Variants in RPL36AL observed in about 807,000 individuals in gnomAD.
RPL36AL encodes the protein ribosomal protein L36a like.
A neutral mutation model predicts 7.9 loss-of-function variants in RPL36AL; 8 were observed. The observed-to-expected ratio is 1.02, with a 90% CI of 0.60 to 1.84. The LOEUF (loss-of-function observed/expected upper bound fraction) is 1.84, where lower values mean the gene tolerates loss of function less well. RPL36AL is among the 40% of genes most tolerant of loss of function. RPL36AL has a pLI of 0.00. For synonymous variants in RPL36AL, 44 were observed against 44.8 expected (o/e 0.98, Z 0.07); for missense variants, 76 against 126.8 (o/e 0.60, Z 1.93).
In RPL36AL at chr14:49,619,146, G is replaced by T; in HGVS notation, c.-36-6C>A. On this transcript the variant is annotated splice_region_variant and splice_polypyrimidine_tract_variant and intron_variant, in intron 1 of 1. Coordinates refer to ENST00000298289, the MANE Select transcript of RPL36AL (RefSeq NM_001001.5). ...TTTTGTCTATATGATGAAAACTGTA[G>T]TAAAATATTTAAAATAAGATAGCAG... 1 of 1,521,596 alleles carries T rather than the reference G, an allele frequency of 6.6e-7. No homozygotes were observed. The highest frequency in any genetic ancestry group is 8.9e-7 in the Non-Finnish European group (1 of 1,127,070). 94.3% of individuals were successfully genotyped at this position (1,521,596 alleles called of 1,614,324 possible). A position where few individuals can be genotyped will look rare whatever the true frequency, so the allele number is the denominator to read the frequency against.
chr14:49,620,559 T>C lies in RPL36AL; in HGVS notation c.-37+3A>G. The C allele has an allele frequency of 5.5e-6, 1 of 183,450 alleles. No individual in the cohort carries two copies. Among genetic ancestry groups the C allele is most frequent in the South Asian group, 1.1e-4 (1 of 9,012 alleles). 11.4% of individuals were successfully genotyped at this position (183,450 alleles called of 1,614,324 possible). A position where few individuals can be genotyped will look rare whatever the true frequency, so the allele number is the denominator to read the frequency against. ...AGCCGCTACAGCCTCGTTCTTAGCT[T>C]ACCGAGAAACAGCGCCCGACACCTG... On this transcript the variant is annotated splice_donor_region_variant and intron_variant, in intron 1 of 1. Transcript: ENST00000298289.
At chr14:49,619,186 GA>G (rs754517111) in intron 1 of RPL36AL, 46 bp from the exon 2 acceptor site, 37 of 1,313,060 alleles carry the variant, frequency 2.8e-5, no homozygotes, top group East Asian at 1.9e-4. Flanking sequence ...TAAACATTCC[GA>G]AAAGTGAAAG....
intron 1 of RPL36AL, among the ~76,000 whole-genome samples, chr14:49,619,895 A>G (rs1483940227): frequency 2.0e-5 from 3 of 152,180 alleles, no homozygotes; most frequent in Non-Finnish European, 4.4e-5. Flanking sequence ...GCTAGTCAGG[A>G]ATAAAATGCC....
chr14:49,620,385 G>A (rs1003340772), intron 1 of RPL36AL, among the ~76,000 whole-genome samples, 177 bp downstream of exon 1: 5 of 152,228 alleles, frequency 3.3e-5, no homozygotes, highest in African/African-American at 4.8e-5. Flanking sequence ...CGCGCCCCGC[G>A]ATTCTATAGC....
At chr14:49,620,317 T>A in intron 1 of RPL36AL, among the ~76,000 whole-genome samples, 1 of 151,870 alleles carries the variant, frequency 6.6e-6, no homozygotes, top group South Asian at 2.1e-4. Flanking sequence ...ACTTTTCCCC[T>A]CCGAAGCACA....
At chr14:49,619,685 C>G (rs1001322400) in intron 1 of RPL36AL, among the ~76,000 whole-genome samples, 3 of 151,864 alleles carry the variant, frequency 2.0e-5, no homozygotes, top group Non-Finnish European at 2.9e-5. Flanking sequence ...TTATTTGGGG[C>G]AAGTTTGAGG....
Position 49,619,135 on chromosome 14 carries a change from T to A in RPL36AL, c.-31A>T. The stretch of plus-strand genomic sequence containing the variant: ...CAGCAGGGCTGTTTTGTCTATATGA[T>A]GAAAACTGTAGTAAAATATTTAAAA... On this transcript the variant is annotated 5_prime_UTR_variant, in exon 2 of 2. Coordinates refer to ENST00000298289, the MANE Select transcript of RPL36AL (RefSeq NM_001001.5). 2 of 1,551,136 alleles carry A rather than the reference T, an allele frequency of 1.3e-6. No homozygotes were observed. The highest frequency in any genetic ancestry group is 1.7e-6 in the Non-Finnish European group (2 of 1,146,284).
In RPL36AL at chr14:49,618,752, C is replaced by A. The variant is rs747579546; in HGVS notation, c.*32G>T. On this transcript the variant is annotated 3_prime_UTR_variant, in exon 2 of 2. Coordinates refer to ENST00000298289, the MANE Select transcript of RPL36AL (RefSeq NM_001001.5). ...AACTTTTCTATGGCTTCACCATTTT[C>A]TCTTCAAAATTGAAGAAAAATATCC... 3 of 1,546,212 alleles carry A rather than the reference C, an allele frequency of 1.9e-6. No homozygotes were observed. Among genetic ancestry groups the A allele is most frequent in the East Asian group, 4.5e-5 (2 of 44,476 alleles).
Position 49,619,066 on chromosome 14 carries a change from C to A in RPL36AL, c.39G>T (p.Lys13Asn). ...NVPKTRRTFC[K>N]KCGKHQPHKV... ...TGTGAGGCTGATGCTTGCCACACTT[C>A]TTACAGAAGGTTCTTCGGGTTTTAG... The change falls in exon 2 of 2, where the codon AAG becomes AAT. Residue 13 changes from lysine to asparagine, a missense_variant. Coordinates refer to ENST00000298289, the MANE Select transcript of RPL36AL (RefSeq NM_001001.5). 6.2e-7 allele frequency: 1 copy of A among 1,613,408 alleles called. No homozygotes were observed. The highest frequency in any genetic ancestry group is 8.5e-7 in the Non-Finnish European group (1 of 1,179,382).
rs751326448 is a variant in RPL36AL, at chr14:49,620,581, CCTGG to C, written c.-60_-57del. On this transcript the variant is annotated 5_prime_UTR_variant, in exon 1 of 2. Coordinates refer to ENST00000298289, the MANE Select transcript of RPL36AL (RefSeq NM_001001.5). ...GCTTACCGAGAAACAGCGCCCGACA[CCTGG>C]CCCTTCGCAGCTCTCGCCTTTCGCA... is the stretch of plus-strand genomic sequence containing the variant. The C allele has an allele frequency of 4.9e-4, 98 of 198,546 alleles. 1 individual carries two copies. Among genetic ancestry groups the C allele is most frequent in the Non-Finnish European group, 9.1e-4 (89 of 97,704 alleles). 12.3% of individuals were successfully genotyped at this position (198,546 alleles called of 1,614,324 possible).
At chr14:49,619,225 G>A (rs1882758232) in intron 1 of RPL36AL, 85 bp from the exon 2 acceptor site, 7 of 815,072 alleles carry the variant, frequency 8.6e-6, no homozygotes, top group Non-Finnish European at 1.2e-5. Flanking sequence ...CAGGAAAACC[G>A]TACACATAAA....
At position 49,618,597 on chromosome 14, in the gene RPL36AL, TC is replaced by T. The variant is rs1375537018; in HGVS notation, c.*186del. On this transcript the variant is annotated 3_prime_UTR_variant, in exon 2 of 2. Coordinates refer to ENST00000298289, the MANE Select transcript of RPL36AL (RefSeq NM_001001.5). Reference sequence around the variant, plus strand: ...AACAAAAAGTAGTAAAGTAGTATTTTCCCTTCATACATATATAAACTTGTTA... The same window carrying T: ...AACAAAAAGTAGTAAAGTAGTATTTTCCTTCATACATATATAAACTTGTTA... The T allele has an allele frequency of 5.0e-5, 29 of 581,310 alleles. No individual in the cohort carries two copies. In the Admixed American group the frequency reaches 8.8e-4, roughly 18 times the overall value. 36.0% of individuals were successfully genotyped at this position (581,310 alleles called of 1,614,324 possible). A position where few individuals can be genotyped will look rare whatever the true frequency, so the allele number is the denominator to read the frequency against.
intron 1 of RPL36AL, among the ~76,000 whole-genome samples, chr14:49,620,180 AC>A (rs1882791632): frequency 6.6e-6 from 1 of 151,852 alleles, no homozygotes; most frequent in African/African-American, 2.4e-5. Context: ...AGTTTCTTTG[AC>A]CCCCTTCCCC....
rs751824110 is a variant in RPL36AL, at chr14:49,619,153, A to G, written c.-36-13T>C. 1 of 1,507,198 alleles carries G rather than the reference A, an allele frequency of 6.6e-7. No homozygotes were observed. The highest frequency in any genetic ancestry group is 1.3e-5 in the South Asian group (1 of 77,284). 93.4% of individuals were successfully genotyped at this position (1,507,198 alleles called of 1,614,324 possible). On this transcript the variant is annotated splice_polypyrimidine_tract_variant and intron_variant, in intron 1 of 1. Transcript: ENST00000298289. ...TATATGATGAAAACTGTAGTAAAATATTTAAAATAAGATAGCAGACGTTAA... is the reference window on the plus strand; with the variant it reads ...TATATGATGAAAACTGTAGTAAAATGTTTAAAATAAGATAGCAGACGTTAA...
At position 49,618,764 on chromosome 14, in the gene RPL36AL, G is replaced by C; in HGVS notation, c.*20C>G. ...GCTTCACCATTTTCTCTTCAAAATT[G>C]AAGAAAAATATCCCAAAGTTTAGAA... On this transcript the variant is annotated 3_prime_UTR_variant, in exon 2 of 2. Transcript: ENST00000298289. 6.3e-7 allele frequency: 1 copy of C among 1,587,218 alleles called. No individual in the cohort carries two copies. Among genetic ancestry groups the C allele is most frequent in the South Asian group, 1.1e-5 (1 of 88,402 alleles).
At chr14:49,620,252 G>A (rs558767366) in intron 1 of RPL36AL, among the ~76,000 whole-genome samples, 1 of 152,040 alleles carries the variant, frequency 6.6e-6, no homozygotes, top group Non-Finnish European at 1.5e-5. Flanking sequence ...CGACGTTGTA[G>A]CTACGGTTAC....
Position 49,618,639 on chromosome 14 carries a change from G to T in RPL36AL, c.*145C>A. On this transcript the variant is annotated 3_prime_UTR_variant, in exon 2 of 2. Coordinates refer to ENST00000298289, the MANE Select transcript of RPL36AL (RefSeq NM_001001.5). ...AAACTTGTTAGTAAAGTTTGAGGTG[G>T]GACTACACTAAACATGGAATTCTAT... The T allele has an allele frequency of 1.6e-6, 1 of 636,256 alleles. No individual in the cohort carries two copies. Among genetic ancestry groups the T allele is most frequent in the Non-Finnish European group, 2.7e-6 (1 of 367,966 alleles). The allele number at this position is 636,256 out of a possible 1,614,324, so 39.4% of individuals were successfully genotyped here. A position where few individuals can be genotyped will look rare whatever the true frequency, so the allele number is the denominator to read the frequency against.
rs1882755773 is a variant in RPL36AL, at chr14:49,619,169, C to G, written c.-36-29G>C. 4.8e-6 allele frequency: 7 copies of G among 1,449,444 alleles called. No homozygotes were observed. The South Asian group carries it at 9.4e-5, about 20-fold the overall frequency. The allele number at this position is 1,449,444 out of a possible 1,614,324, so 89.8% of individuals were successfully genotyped here. ...TAGTAAAATATTTAAAATAAGATAG[C>G]AGACGTTAAACATTCCGAAAAGTGA... On this transcript the variant is annotated intron_variant, in intron 1 of 1. Transcript: ENST00000298289.
rs1882737165 is a variant in RPL36AL at position 49,618,679 on chromosome 14, C to T, written c.*105G>A. 2.2e-6 allele frequency: 2 copies of T among 918,456 alleles called. No homozygotes were observed. Among genetic ancestry groups the T allele is most frequent in the East Asian group, 4.9e-5 (2 of 40,800 alleles). The allele number at this position is 918,456 out of a possible 1,614,324, so 56.9% of individuals were successfully genotyped here. A position where few individuals can be genotyped will look rare whatever the true frequency, so the allele number is the denominator to read the frequency against. ...TGGAATTCTATTTATAAGTAAAAAC[C>T]ACAAAAAGTTTGCGTAAGAATATCA... On this transcript the variant is annotated 3_prime_UTR_variant, in exon 2 of 2. Coordinates refer to ENST00000298289, the MANE Select transcript of RPL36AL (RefSeq NM_001001.5).
Sources: gnomAD v4.1 joint callset for allele counts (sites outside exome capture counted in the v4.1 genomes callset) on GRCh38, gnomAD v4.1.1 for gene constraint, MANE v1.5 for transcripts, NCBI Gene and HGNC (gene_info 2026-07-23, HGNC 2026-07-21) for gene names.